Variants in DNAH11 observed in about 807,000 individuals in gnomAD.
The protein encoded by DNAH11 is dynein axonemal heavy chain 11, also known as axonemal beta dynein heavy chain 11.
DNAH11 carries 442 observed loss-of-function variants against 526.0 expected under a neutral mutation model. The ratio of observed to expected loss-of-function variants is 0.84; its 90% confidence interval spans 0.78 to 0.91. DNAH11 has a LOEUF of 0.91. Among genes scored for constraint, DNAH11 ranks in the 40% least tolerant of loss-of-function variants. The pLI is 0.00. For synonymous variants in DNAH11, 2,461 were observed against 1,935.9 expected, an observed-to-expected ratio of 1.27 and a Z score of -7.12; for missense variants, 6,989 against 5,448.7, an observed-to-expected ratio of 1.28 and a Z score of -8.90.
At chr7:21,621,109 T>G (rs1786032057) in intron 25 of DNAH11, among the ~76,000 whole-genome samples, 1 of 152,156 alleles carries the variant, frequency 6.6e-6, no homozygotes, top group Non-Finnish European at 1.5e-5. Flanking sequence ...CAAATGGTAT[T>G]TCTAGTTCTA....
chr7:21,657,422 C>T (rs1232790571), intron 29 of DNAH11, among the ~76,000 whole-genome samples: 4 of 152,146 alleles, frequency 2.6e-5, no homozygotes, highest in Non-Finnish European at 5.9e-5. Flanking sequence ...AAGGATCCAG[C>T]AAGCACCTCA....
intron 45 of DNAH11, among the ~76,000 whole-genome samples, chr7:21,728,919 G>T (rs1785257350): frequency 6.6e-6 from 1 of 152,248 alleles, no homozygotes; most frequent in African/African-American, 2.4e-5. Flanking sequence ...GGGCCCACTG[G>T]GATGATGGCC....
chr7:21,572,755 C>G (rs902738144), intron 8 of DNAH11, among the ~76,000 whole-genome samples: 1 of 152,144 alleles, frequency 6.6e-6, no homozygotes, highest in African/African-American at 2.4e-5. Context: ...AACTTAAGCC[C>G]TCTGAATTAT....
chr7:21,674,186 A>G (rs1782765124), intron 30 of DNAH11, among the ~76,000 whole-genome samples: 1 of 151,786 alleles, frequency 6.6e-6, no homozygotes, highest in African/African-American at 2.4e-5. Context: ...CAGCCTCCCA[A>G]GTACCTGGAG....
chr7:21,744,798 A>G, intron 50 of DNAH11, 72 bp from the exon 51 acceptor site: 1 of 1,524,672 alleles, frequency 6.6e-7, no homozygotes, highest in Non-Finnish European at 8.8e-7. Flanking sequence ...TTCCCTTGCT[A>G]GGCCATGCTG....
At chr7:21,563,984 A>G (rs928108459) in intron 5 of DNAH11, among the ~76,000 whole-genome samples, 1 of 152,196 alleles carries the variant, frequency 6.6e-6, no homozygotes, top group Admixed American at 6.5e-5. Context: ...GCTCTCCCAG[A>G]TGACTCAGTT....
chr7:21,839,781 A>T (rs1160403451), intron 65 of DNAH11, among the ~76,000 whole-genome samples: 2 of 152,142 alleles, frequency 1.3e-5, no homozygotes, highest in African/African-American at 4.8e-5. Flanking sequence ...ATCTGGCAGA[A>T]TTTTTTCAAG....
intron 68 of DNAH11, among the ~76,000 whole-genome samples, 196 bp from the exon 69 acceptor site, chr7:21,861,657 C>T (rs988573791): frequency 6.6e-5 from 10 of 152,190 alleles, no homozygotes; most frequent in Non-Finnish European, 1.5e-4. Context: ...TTCATGGAAT[C>T]ATATTCATAA....
intron 63 of DNAH11, among the ~76,000 whole-genome samples, chr7:21,814,660 C>CTA (rs1789695387): frequency 6.6e-6 from 1 of 151,720 alleles, no homozygotes; most frequent in Admixed American, 6.6e-5. Context: ...TGTAATTGTA[C>CTA]TACAGCATTA....
At chr7:21,828,692 G>C (rs917047323) in intron 65 of DNAH11, among the ~76,000 whole-genome samples, 1 of 150,548 alleles carries the variant, frequency 6.6e-6, no homozygotes, top group African/African-American at 2.4e-5. Flanking sequence ...TGGATATGTT[G>C]AAGCGTGTGT....
At chr7:21,690,129 C>T (rs1168970663) in intron 34 of DNAH11, among the ~76,000 whole-genome samples, 1 of 152,116 alleles carries the variant, frequency 6.6e-6, no homozygotes, top group Admixed American at 6.5e-5. Context: ...CCTTTTAAAT[C>T]CTTGCAGAAT....
intron 14 of DNAH11, among the ~76,000 whole-genome samples, chr7:21,592,283 G>A (rs78244391): frequency 0.036 from 5,542 of 152,232 alleles, 339 homozygotes; most frequent in African/African-American, 0.13. Context: ...TTGCGGGTAG[G>A]GTGGTTGGGC....
intron 25 of DNAH11, among the ~76,000 whole-genome samples, chr7:21,626,389 G>T (rs539950417): frequency 2.0e-5 from 3 of 151,948 alleles, no homozygotes; most frequent in Non-Finnish European, 2.9e-5. Context: ...TCTGTATTTT[G>T]GCTATTGTAA....
At chr7:21,685,148 A>G (rs1783319074) in intron 32 of DNAH11, among the ~76,000 whole-genome samples, 1 of 152,244 alleles carries the variant, frequency 6.6e-6, no homozygotes, top group Non-Finnish European at 1.5e-5. Context: ...TCTGATTAAA[A>G]GTCAGCATTC....
At chr7:21,705,638 G>A in intron 39 of DNAH11, 101 bp downstream of exon 39, 1 of 1,113,808 alleles carries the variant, frequency 9.0e-7, no homozygotes, top group South Asian at 1.5e-5. Context: ...TCCCCTCCAT[G>A]AAGCCCACCA....
chr7:21,756,106 CT>C (rs1054213781), intron 54 of DNAH11, among the ~76,000 whole-genome samples: 1 of 151,702 alleles, frequency 6.6e-6, no homozygotes, highest in Non-Finnish European at 1.5e-5. Context: ...TGTGTTAAGG[CT>C]TTTTTAGGAA....
At chr7:21,748,874 T>G (rs1786278742) in intron 52 of DNAH11, 132 bp downstream of exon 52, 3 of 859,428 alleles carry the variant, frequency 3.5e-6, no homozygotes, top group Non-Finnish European at 5.0e-6. Flanking sequence ...GAGCGGGAGC[T>G]CTTTAAAGCA....
chr7:21,767,031 A>G (rs1787214045), intron 55 of DNAH11, among the ~76,000 whole-genome samples: 1 of 152,224 alleles, frequency 6.6e-6, no homozygotes, highest in Non-Finnish European at 1.5e-5. Context: ...TTTGTACTCT[A>G]ACATCTGGAA....
intron 7 of DNAH11, 54 bp downstream of exon 7, chr7:21,570,353 G>A: frequency 7.1e-7 from 1 of 1,405,608 alleles, no homozygotes; most frequent in Non-Finnish European, 9.8e-7. Flanking sequence ...CAAAAAGCCA[G>A]TAGCTTTTCA....
Sources: allele counts gnomAD v4.1 joint callset (sites outside exome capture counted in the v4.1 genomes callset), GRCh38; gene constraint gnomAD v4.1.1; transcripts MANE v1.5; gene names NCBI Gene and HGNC (gene_info 2026-07-23, HGNC 2026-07-21).